The following NOL4 variants were observed in gnomAD, a reference collection of about 807,000 sequenced individuals.
The protein encoded by NOL4 is nucleolar protein 4.
Under a neutral mutation model 75.9 loss-of-function variants are expected in NOL4, and 17 were observed. The observed-to-expected ratio is 0.22, with a 90% CI of 0.15 to 0.34. NOL4 has a LOEUF of 0.34. Among genes scored for constraint, NOL4 ranks in the 10% least tolerant of loss-of-function variants. The pLI, the probability that NOL4 is intolerant of heterozygous loss-of-function variation, is 1.00. For missense variants in NOL4, 614 were observed against 793.5 expected, an observed-to-expected ratio of 0.77 and a Z score of 2.72; for synonymous variants, 292 against 289.9, an observed-to-expected ratio of 1.01 and a Z score of -0.07.
intron 1 of NOL4, among the ~76,000 whole-genome samples, chr18:34,180,347 T>C (rs1316806750): frequency 6.6e-6 from 1 of 151,600 alleles, no homozygotes; most frequent in East Asian, 1.9e-4. Context: ...AGATAAAAAT[T>C]AGCAATGTAA....
chr18:33,879,179 T>A (rs1709852891), intron 10 of NOL4, among the ~76,000 whole-genome samples: 1 of 152,102 alleles, frequency 6.6e-6, no homozygotes, highest in Admixed American at 6.6e-5. Context: ...TATGAAACAG[T>A]GTAAAAACCA....
At position 33,926,322 on chromosome 18, in the gene NOL4, T is replaced by G. The variant is rs527344171; in HGVS notation, c.1542+16743A>C. Among the ~76,000 whole-genome samples the G allele has an allele frequency of 5.1e-3, 616 of 120,074 alleles. 7 individuals are homozygous for G. Among genetic ancestry groups the G allele is most frequent in the Middle Eastern group, 0.026 (3 of 114 alleles). The allele number at this position is 120,074 out of a possible 152,430, so 78.8% of individuals were successfully genotyped here. ...TTGTAGTGAGCCGAGATCATGCCAC[T>G]GCCCTCCAAAATGGCGACAGAGGAA... On this transcript the variant is annotated intron_variant, in intron 9 of 10. Transcript: ENST00000261592.
chr18:34,166,103 A>T (rs1054388490), intron 1 of NOL4, among the ~76,000 whole-genome samples: 15 of 152,096 alleles, frequency 9.9e-5, no homozygotes, highest in Admixed American at 7.2e-4. Flanking sequence ...AAACAATATG[A>T]TATTACAAGA....
chr18:34,116,186 A>G (rs1568361537), intron 2 of NOL4, among the ~76,000 whole-genome samples: 4 of 152,176 alleles, frequency 2.6e-5, no homozygotes, highest in East Asian at 1.9e-4. Flanking sequence ...CTCTGGAGCA[A>G]TAACAGCACA....
chr18:34,056,021 T>A (rs2076820950), intron 5 of NOL4, among the ~76,000 whole-genome samples: 1 of 152,208 alleles, frequency 6.6e-6, no homozygotes, highest in Non-Finnish European at 1.5e-5. Context: ...CATACATTGT[T>A]TTCTGGATTT....
chr18:33,860,753 T>A (rs1293651874), intron 10 of NOL4, among the ~76,000 whole-genome samples: 1 of 151,996 alleles, frequency 6.6e-6, no homozygotes, highest in Non-Finnish European at 1.5e-5. Flanking sequence ...CCATTCAGTA[T>A]GATATTGGCT....
rs561300485 is a variant in NOL4 at position 34,141,866 on chromosome 18, C to A, written c.265-11846G>T. 3.9e-5 allele frequency among the ~76,000 whole-genome samples: 6 copies of A among 152,086 alleles called. No individual in the cohort carries two copies. In the South Asian group the frequency reaches 1.3e-3, roughly 32 times the overall value. ...ATTAAACTAAAGAGCTTCTGCACAGCAAAAGAAACTACCATCAGAGTGTAC... is the reference window on the plus strand; with the variant it reads ...ATTAAACTAAAGAGCTTCTGCACAGAAAAAGAAACTACCATCAGAGTGTAC... On this transcript the variant is annotated intron_variant, in intron 1 of 10. Transcript: ENST00000261592.
intron 5 of NOL4, among the ~76,000 whole-genome samples, chr18:34,073,864 G>GTGTC (rs2077628305): frequency 6.6e-6 from 1 of 151,930 alleles, no homozygotes; most frequent in South Asian, 2.1e-4. Flanking sequence ...AGTCATCTAT[G>GTGTC]GACAACACTT....
chr18:33,864,535 T>C (rs951675037), intron 10 of NOL4, among the ~76,000 whole-genome samples: 5 of 152,184 alleles, frequency 3.3e-5, no homozygotes, highest in African/African-American at 9.6e-5. Flanking sequence ...ATCAGCATTT[T>C]GGTCAAAACC....
chr18:34,014,875 A>T (rs566861698), intron 6 of NOL4, among the ~76,000 whole-genome samples: 5 of 152,094 alleles, frequency 3.3e-5, no homozygotes, highest in African/African-American at 1.2e-4. Flanking sequence ...CGTTTTAAGC[A>T]CTTCTATTCA....
chr18:34,044,169 A>G (rs548140590), intron 5 of NOL4, among the ~76,000 whole-genome samples: 1 of 152,220 alleles, frequency 6.6e-6, no homozygotes, highest in South Asian at 2.1e-4. Context: ...TTCTCCATCA[A>G]TTAAAAACTA....
chr18:33,887,666 G>A (rs1221265427), intron 9 of NOL4, among the ~76,000 whole-genome samples: 3 of 151,870 alleles, frequency 2.0e-5, no homozygotes, highest in Admixed American at 1.3e-4. Flanking sequence ...GAGAACATGC[G>A]GTATTTGGTT....
intron 1 of NOL4, among the ~76,000 whole-genome samples, chr18:34,198,798 G>A (rs2035523099): frequency 6.6e-6 from 1 of 151,700 alleles, no homozygotes; most frequent in African/African-American, 2.4e-5. Context: ...TAGTGTCTTT[G>A]CCAATTTTTC....
At chr18:33,959,055 C>T (rs996789250) in intron 6 of NOL4, among the ~76,000 whole-genome samples, 14 of 152,060 alleles carry the variant, frequency 9.2e-5, no homozygotes, top group African/African-American at 3.1e-4. Context: ...AAATGGGAAC[C>T]GGGTTTCTTC....
chr18:34,109,244 C>T (rs1373015965), intron 2 of NOL4, among the ~76,000 whole-genome samples: 1 of 151,918 alleles, frequency 6.6e-6, no homozygotes, highest in Non-Finnish European at 1.5e-5. Flanking sequence ...GAAGTGGTGG[C>T]TCATGCCTGT....
chr18:34,213,392 C>A (rs1362360461), intron 1 of NOL4, among the ~76,000 whole-genome samples: 3 of 152,192 alleles, frequency 2.0e-5, no homozygotes, highest in Admixed American at 1.3e-4. Context: ...CGGCTTCAAG[C>A]GATTCTCCTA....
chr18:33,885,904 A>AGATTTG (rs2064613735), intron 9 of NOL4, among the ~76,000 whole-genome samples: 1 of 152,158 alleles, frequency 6.6e-6, no homozygotes. Flanking sequence ...ACAATAGCTA[A>AGATTTG]GATTTGGAAG....
At chr18:33,934,934 C>A (rs1331358611) in intron 9 of NOL4, among the ~76,000 whole-genome samples, 1 of 149,716 alleles carries the variant, frequency 6.7e-6, no homozygotes, top group Non-Finnish European at 1.5e-5. Context: ...TCATGGCTCA[C>A]TGCAGCCTCA....
chr18:34,094,229 A>T (rs973801193), intron 4 of NOL4, among the ~76,000 whole-genome samples: 1 of 152,226 alleles, frequency 6.6e-6, no homozygotes, highest in Middle Eastern at 3.2e-3. Context: ...AAAATGTTGT[A>T]AGCAGAAATC....
Sources: gnomAD v4.1 joint callset for allele counts (sites outside exome capture counted in the v4.1 genomes callset) on GRCh38, gnomAD v4.1.1 for gene constraint, MANE v1.5 for transcripts, NCBI Gene and HGNC (gene_info 2026-07-23, HGNC 2026-07-21) for gene names.